The following TRIO variants were observed in gnomAD, a reference collection of about 807,000 sequenced individuals.
TRIO encodes trio Rho guanine nucleotide exchange factor.
Under a neutral mutation model 351.9 loss-of-function variants are expected in TRIO, and 58 were observed. The observed-to-expected ratio is 0.16, with a 90% CI of 0.13 to 0.21. The LOEUF (loss-of-function observed/expected upper bound fraction) is 0.21. Ranked by LOEUF, TRIO falls within the 10% of genes least tolerant of loss-of-function variation. The pLI, the probability that TRIO is intolerant of heterozygous loss-of-function variation, is 1.00. For synonymous variants in TRIO, 1,758 were observed against 1,595.7 expected (o/e 1.10, Z -2.42); for missense variants, 3,201 against 4,027.8 (o/e 0.79, Z 5.56).
rs1399435042 is a variant in TRIO, at chr5:14,488,225, A to C, written c.7597A>C (p.Ser2533Arg). 6.3e-7 allele frequency: 1 copy of C among 1,588,658 alleles called. No individual in the cohort carries two copies. Among genetic ancestry groups the C allele is most frequent in the African/African-American group, 1.3e-5 (1 of 74,824 alleles). The change falls in exon 48 of 57, where the codon AGC becomes CGC. Residue 2533 changes from serine to arginine, a missense_variant. Ser to Arg is a moderately radical substitution (Grantham distance 110). Coordinates refer to ENST00000344204, the MANE Select transcript of TRIO (RefSeq NM_007118.4). ...CCGCATGAGCACGTGCTCCTCGGCC[A>C]GCGAGCAGTCCGTGCAGTCCACCCA... ...TDRMSTCSSA[S>R]EQSVQSTQSN...
At chr5:14,346,358 A>C (rs751757210) in intron 11 of TRIO, among the ~76,000 whole-genome samples, 2 of 152,224 alleles carry the variant, frequency 1.3e-5, no homozygotes, top group Admixed American at 1.3e-4. Context: ...CAAATGGTGA[A>C]GGCTTTGTAA....
intron 34 of TRIO, among the ~76,000 whole-genome samples, chr5:14,460,338 C>G (rs192241006): frequency 6.6e-6 from 1 of 152,140 alleles, no homozygotes; most frequent in Non-Finnish European, 1.5e-5. Context: ...GTGGCCTGGC[C>G]GTGAACAGGA....
chr5:14,340,778 T>C (rs1741874466), intron 11 of TRIO, among the ~76,000 whole-genome samples: 1 of 152,204 alleles, frequency 6.6e-6, no homozygotes, highest in African/African-American at 2.4e-5. Context: ...CTCTGTACTC[T>C]GGTTCTTTTA....
chr5:14,154,563 T>A (rs767132280), intron 1 of TRIO, among the ~76,000 whole-genome samples: 1 of 152,134 alleles, frequency 6.6e-6, no homozygotes, highest in Non-Finnish European at 1.5e-5. Context: ...CTGTTCTGTG[T>A]GTGGGTTGCG....
chr5:14,292,956 G>A, intron 5 of TRIO, 56 bp from the exon 6 acceptor site: 1 of 1,611,168 alleles, frequency 6.2e-7, no homozygotes, highest in Non-Finnish European at 8.5e-7. Flanking sequence ...CTGTGGGCTT[G>A]TGTCAGTAAT....
chr5:14,409,709 C>T (rs1442034680), intron 33 of TRIO, among the ~76,000 whole-genome samples: 1 of 151,914 alleles, frequency 6.6e-6, no homozygotes, highest in Non-Finnish European at 1.5e-5. Flanking sequence ...TGGTGGGTGC[C>T]TGTAAGTCCC....
chr5:14,306,960 CTT>C (rs1738428248), intron 8 of TRIO, among the ~76,000 whole-genome samples: 2 of 152,080 alleles, frequency 1.3e-5, no homozygotes, highest in Admixed American at 6.5e-5. Flanking sequence ...AAACTGAGGT[CTT>C]AGATGGAATT....
At chr5:14,364,341 T>C (rs1281616405) in intron 14 of TRIO, among the ~76,000 whole-genome samples, 1 of 152,182 alleles carries the variant, frequency 6.6e-6, no homozygotes, top group Non-Finnish European at 1.5e-5. Flanking sequence ...AATTAAATGC[T>C]TACCAAAGAG....
chr5:14,200,854 T>G (rs1265205903), intron 1 of TRIO, among the ~76,000 whole-genome samples: 1 of 152,250 alleles, frequency 6.6e-6, no homozygotes, highest in Non-Finnish European at 1.5e-5. Flanking sequence ...TTCTTCTCTT[T>G]TGTTAAACAG....
Position 14,481,250 on chromosome 5 carries a change from C to G in TRIO, c.6353C>G (p.Ser2118Cys). 6.2e-7 allele frequency: 1 copy of G among 1,613,962 alleles called. No individual in the cohort carries two copies. Among genetic ancestry groups the G allele is most frequent in the Non-Finnish European group, 8.5e-7 (1 of 1,179,962 alleles). ...CCCTTGCAGGACTTCCTCAAGTATTCCAAAAAGGCCAGCCTGGATACATCA... is the reference window on the plus strand; with the variant it reads ...CCCTTGCAGGACTTCCTCAAGTATTGCAAAAAGGCCAGCCTGGATACATCA... ...QLLLKDFLKY[S>C]KKASLDTSEL... The change falls in exon 44 of 57, where the codon TCC (serine) becomes TGC (cysteine). Residue 2118 changes from serine to cysteine, a missense_variant. This residue lies in a region of TRIO where 307 missense variants were observed against 396.5 expected (regional missense o/e 0.77). Coordinates refer to ENST00000344204, the MANE Select transcript of TRIO (RefSeq NM_007118.4).
intron 31 of TRIO, among the ~76,000 whole-genome samples, chr5:14,405,401 G>A (rs1748615052): frequency 6.6e-6 from 1 of 152,232 alleles, no homozygotes; most frequent in Admixed American, 6.5e-5. Flanking sequence ...GGTGGCAGCT[G>A]CGCCGCTGTT....
intron 1 of TRIO, among the ~76,000 whole-genome samples, chr5:14,209,037 C>T (rs1370411371): frequency 6.6e-6 from 1 of 152,176 alleles, no homozygotes; most frequent in Non-Finnish European, 1.5e-5. Context: ...AAATAGTGCA[C>T]CAGAATTTAT....
intron 34 of TRIO, chr5:14,441,228 C>T (rs1468081318): frequency 1.3e-5 from 2 of 152,804 alleles, no homozygotes; most frequent in African/African-American, 4.8e-5. Flanking sequence ...CACCTTTAGC[C>T]TCCAGTCGGC....
At chr5:14,215,630 G>C (rs1581370629) in intron 1 of TRIO, among the ~76,000 whole-genome samples, 1 of 152,252 alleles carries the variant, frequency 6.6e-6, no homozygotes, top group East Asian at 1.9e-4. Flanking sequence ...AGATCTTTTA[G>C]CGCCAAGATC....
intron 6 of TRIO, among the ~76,000 whole-genome samples, chr5:14,293,994 A>G (rs754406562): frequency 7.4e-6 from 1 of 135,784 alleles, no homozygotes; most frequent in Non-Finnish European, 1.6e-5. Flanking sequence ...TGGGCAACAC[A>G]GCAAGACCCC....
At position 14,476,894 on chromosome 5, in the gene TRIO, C is replaced by G. The variant is rs371806945; in HGVS notation, c.6084C>G (p.Asp2028Glu). 7 of 1,607,708 alleles carry G rather than the reference C, an allele frequency of 4.4e-6. No homozygotes were observed. The African/African-American group carries it at 9.4e-5, about 22-fold the overall frequency. ...NIHQIYDWHRDFFLGELEKCL... is the reference protein window; with the variant it reads ...NIHQIYDWHREFFLGELEKCL... ...CTAATATTTTCTCCTTTCTTTCCAG[C>G]TTTTTTTTAGGAGAGTTAGAGAAGT... is the stretch of plus-strand genomic sequence containing the variant. The change falls in exon 41 of 57, where the codon GAC (aspartate) becomes GAG (glutamate). Residue 2028 changes from aspartate to glutamate, a missense_variant and splice_region_variant. By Grantham distance (45) the Asp-to-Glu change is conservative. Around this residue, in one of 19 missense-constraint regions of TRIO, gnomAD observed 307 missense variants for 396.5 expected, o/e 0.77. Coordinates refer to ENST00000344204, the MANE Select transcript of TRIO (RefSeq NM_007118.4).
Position 14,222,966 on chromosome 5 carries a change from A to G in TRIO, c.158-47859A>G, listed in dbSNP as rs555362685. Among the ~76,000 whole-genome samples, 235 of 152,352 alleles carry G rather than the reference A, an allele frequency of 1.5e-3. 1 individual carries two copies. Among genetic ancestry groups the G allele is most frequent in the Middle Eastern group, 0.014 (4 of 294 alleles). On this transcript the variant is annotated intron_variant, in intron 1 of 56. Coordinates refer to ENST00000344204, the MANE Select transcript of TRIO (RefSeq NM_007118.4). The stretch of plus-strand genomic sequence containing the variant: ...GATTGAGGGCGTCTCCCGGATCAAA[A>G]ATAAATAGGATTGTTGAAAATGATA...
intron 1 of TRIO, among the ~76,000 whole-genome samples, chr5:14,230,107 C>T (rs1294443060): frequency 1.3e-5 from 2 of 152,168 alleles, no homozygotes; most frequent in Non-Finnish European, 2.9e-5. Flanking sequence ...ATTGGCAACT[C>T]ATATATTATG....
intron 7 of TRIO, among the ~76,000 whole-genome samples, chr5:14,302,254 G>A (rs1180614861): frequency 1.3e-5 from 2 of 152,156 alleles, no homozygotes; most frequent in African/African-American, 2.4e-5. Context: ...ACTGAAATGT[G>A]TTTCCACCAT....
Sources: gnomAD v4.1 joint callset for allele counts (sites outside exome capture counted in the v4.1 genomes callset) on GRCh38, gnomAD v4.1.1 for gene constraint, gnomAD v4.1.1 regional missense constraint, MANE v1.5 for transcripts, NCBI Gene and HGNC (gene_info 2026-07-23, HGNC 2026-07-21) for gene names.